The following ADGRL3 variants were observed in gnomAD, a reference collection of about 807,000 sequenced individuals.
ADGRL3 encodes adhesion G protein-coupled receptor L3.
Under a neutral mutation model 153.5 loss-of-function variants are expected in ADGRL3, and 62 were observed. The observed-to-expected ratio is 0.40, with a 90% CI of 0.33 to 0.50. The LOEUF (loss-of-function observed/expected upper bound fraction) is 0.50. Among genes scored for constraint, ADGRL3 ranks in the 20% least tolerant of loss-of-function variants. The pLI is 0.47. For synonymous variants in ADGRL3, 710 were observed against 672.5 expected (o/e 1.06, Z -0.86); for missense variants, 1,641 against 1,859.4 (o/e 0.88, Z 2.16).
intron 19 of ADGRL3, among the ~76,000 whole-genome samples, chr4:61,993,848 T>G (rs1217673420): frequency 6.6e-6 from 1 of 152,186 alleles, no homozygotes; most frequent in Non-Finnish European, 1.5e-5. Context: ...GGTTTGTTTC[T>G]GCTTATATTT....
At chr4:61,502,330 T>C (rs2152830905) in intron 3 of ADGRL3, among the ~76,000 whole-genome samples, 1 of 152,192 alleles carries the variant, frequency 6.6e-6, no homozygotes, top group Admixed American at 6.5e-5. Context: ...TAATTGAACC[T>C]CACTTGTAAA....
chr4:61,688,129 C>A (rs974429777), intron 6 of ADGRL3, among the ~76,000 whole-genome samples: 2 of 152,002 alleles, frequency 1.3e-5, no homozygotes, highest in Non-Finnish European at 2.9e-5. Flanking sequence ...ATATAAGCTT[C>A]CTTCTCTCTA....
chr4:61,774,357 C>CAAA (rs372436258), intron 8 of ADGRL3, among the ~76,000 whole-genome samples: 1 of 60,194 alleles, frequency 1.7e-5, no homozygotes, highest in African/African-American at 4.4e-5. Flanking sequence ...AACTCTGTCT[C>CAAA]AAAAAAAAAA....
intron 3 of ADGRL3, among the ~76,000 whole-genome samples, chr4:61,513,457 A>G (rs902961993): frequency 6.6e-6 from 1 of 152,080 alleles, no homozygotes; most frequent in Non-Finnish European, 1.5e-5. Context: ...TCTGCCCACA[A>G]CCAACATTCT....
chr4:61,794,053 G>A (rs973580134), intron 8 of ADGRL3, among the ~76,000 whole-genome samples: 5 of 152,160 alleles, frequency 3.3e-5, no homozygotes, highest in Non-Finnish European at 7.3e-5. Context: ...AAGGTGCTAG[G>A]TGCTATTTGC....
chr4:61,305,529 G>A (rs1437784063), intron 1 of ADGRL3, among the ~76,000 whole-genome samples: 1 of 152,116 alleles, frequency 6.6e-6, no homozygotes, highest in African/African-American at 2.4e-5. Context: ...TAAATGGACT[G>A]GCTTTTACTC....
At chr4:62,057,077 A>T (rs28667158) in intron 25 of ADGRL3, among the ~76,000 whole-genome samples, 4,265 of 152,118 alleles carry the variant, frequency 0.028, 209 homozygotes, top group African/African-American at 0.099. Flanking sequence ...TATTTTAAGA[A>T]CTTTTCAGTA....
chr4:61,936,725 A>G (rs1338036318), intron 15 of ADGRL3, among the ~76,000 whole-genome samples: 1 of 151,412 alleles, frequency 6.6e-6, no homozygotes, highest in Non-Finnish European at 1.5e-5. Context: ...GTATATATTT[A>G]CATCTCCTCT....
intron 17 of ADGRL3, among the ~76,000 whole-genome samples, chr4:61,957,549 G>GTATTTATC (rs1553893790): frequency 3.5e-5 from 5 of 144,378 alleles, no homozygotes; most frequent in African/African-American, 1.3e-4. Flanking sequence ...TTACATTTAT[G>GTATTTATC]TATTTATTTA....
At chr4:61,320,034 T>A (rs1024894464) in intron 1 of ADGRL3, among the ~76,000 whole-genome samples, 2 of 152,126 alleles carry the variant, frequency 1.3e-5, no homozygotes, top group African/African-American at 4.8e-5. Flanking sequence ...ATTAATGCTC[T>A]TATAAGAAGA....
intron 13 of ADGRL3, among the ~76,000 whole-genome samples, chr4:61,925,205 T>C (rs1419999902): frequency 6.6e-6 from 1 of 152,154 alleles, no homozygotes; most frequent in Non-Finnish European, 1.5e-5. Context: ...ACTTTCACGA[T>C]TATTTTTGAA....
intron 8 of ADGRL3, among the ~76,000 whole-genome samples, chr4:61,809,921 GTGT>G (rs1464055067): frequency 1.3e-5 from 2 of 152,092 alleles, no homozygotes; most frequent in East Asian, 1.9e-4. Flanking sequence ...TATGAGGTCA[GTGT>G]TGTTATAATC....
At chr4:61,339,101 T>C (rs2095749207) in intron 1 of ADGRL3, among the ~76,000 whole-genome samples, 1 of 152,192 alleles carries the variant, frequency 6.6e-6, no homozygotes, top group Admixed American at 6.5e-5. Context: ...AGATTGACTC[T>C]AGAAGTGATT....
At chr4:61,787,171 C>A (rs1158885221) in intron 8 of ADGRL3, among the ~76,000 whole-genome samples, 1 of 152,068 alleles carries the variant, frequency 6.6e-6, no homozygotes, top group Non-Finnish European at 1.5e-5. Context: ...AAGTCAATAA[C>A]ATCACAATTG....
intron 5 of ADGRL3, among the ~76,000 whole-genome samples, chr4:61,620,486 A>G (rs2149820936): frequency 6.6e-6 from 1 of 152,122 alleles, no homozygotes; most frequent in African/African-American, 2.4e-5. Flanking sequence ...TGTAAGTCAG[A>G]CTCCGAAAGA....
intron 5 of ADGRL3, among the ~76,000 whole-genome samples, chr4:61,610,393 T>C (rs1373561949): frequency 1.3e-5 from 2 of 152,168 alleles, no homozygotes; most frequent in African/African-American, 4.8e-5. Flanking sequence ...TTATAAGTTG[T>C]GTAATTTCAG....
intron 2 of ADGRL3, among the ~76,000 whole-genome samples, chr4:61,484,551 C>T (rs1437059187): frequency 6.6e-6 from 1 of 152,024 alleles, no homozygotes; most frequent in African/African-American, 2.4e-5. Flanking sequence ...ACTTGTGTTC[C>T]CTTACTTTAT....
chr4:61,884,838 T>C (rs1272953712), intron 9 of ADGRL3, among the ~76,000 whole-genome samples: 1 of 151,572 alleles, frequency 6.6e-6, no homozygotes, highest in African/African-American at 2.4e-5. Context: ...TTGGTCAGCC[T>C]GGTATGGAAC....
intron 17 of ADGRL3, among the ~76,000 whole-genome samples, chr4:61,975,887 G>A (rs2099046157): frequency 1.3e-5 from 2 of 152,062 alleles, no homozygotes; most frequent in Admixed American, 6.6e-5. Context: ...AGAAGGAAGA[G>A]CAGATTGGAA....
Sources: gnomAD v4.1 joint callset for allele counts (sites outside exome capture counted in the v4.1 genomes callset) on GRCh38, gnomAD v4.1.1 for gene constraint, MANE v1.5 for transcripts, NCBI Gene and HGNC (gene_info 2026-07-23, HGNC 2026-07-21) for gene names.